PGBD2: variants seen among roughly 807,000 people sequenced by gnomAD.
The protein encoded by PGBD2 is piggyBac transposable element derived 2.
In PGBD2, 6 loss-of-function variants were observed where a neutral mutation model predicts 8.1. The ratio of observed to expected loss-of-function variants is 0.74; its 90% CI spans 0.40 to 1.46. PGBD2 has a LOEUF of 1.46. Among genes scored for constraint, PGBD2 ranks in the 40% most tolerant of loss-of-function variants. The pLI, the probability that PGBD2 is intolerant of heterozygous loss-of-function variation, is 0.02. For synonymous variants in PGBD2, 318 were observed against 272.2 expected, an observed-to-expected ratio of 1.17 and a Z score of -1.66; for missense variants, 802 against 739.0, an observed-to-expected ratio of 1.09 and a Z score of -0.99.
At chr1:248,878,416 A>T in the PGBD2 span, among the ~76,000 whole-genome samples, 2 of 152,066 alleles carry the variant, frequency 1.3e-5, no homozygotes, top group Non-Finnish European at 2.9e-5. Flanking sequence ...TGACCTCGTG[A>T]TCCGCCCGCC....
chr1:248,873,749 C>T, the PGBD2 span, among the ~76,000 whole-genome samples: 1 of 152,192 alleles, frequency 6.6e-6, no homozygotes, highest in African/African-American at 2.4e-5. Flanking sequence ...TGAAACGTCG[C>T]GACCAGTCAG....
At position 248,917,869 on chromosome 1, in the gene PGBD2, G is replaced by T. The variant is rs757614333; in HGVS notation, c.1285G>T (p.Glu429Ter). Residue 429 changes from glutamate (E) to a stop codon, truncating the protein, a stop_gained, in exon 3 of 3, where the codon GAG becomes TAG. Coordinates refer to ENST00000329291, the MANE Select transcript of PGBD2 (RefSeq NM_170725.3). LOFTEE classifies it low-confidence loss of function (END_TRUNC). The stretch of plus-strand genomic sequence containing the variant: ...CATTTGCTCCAATGCTGTGGGCATA[G>T]AGCCAGTGAGGCTGACCAGTCGTCA... ...VNICSNAVGIEPVRLTSRHSG... is the reference protein window; with the variant it reads ...VNICSNAVGI The T allele has an allele frequency of 5.0e-6, 8 of 1,614,244 alleles. No individual in the cohort carries two copies. The highest frequency in any genetic ancestry group is 5.9e-6 in the Non-Finnish European group (7 of 1,180,044).
At chr1:248,896,731 C>T in the PGBD2 span, among the ~76,000 whole-genome samples, 13 of 152,322 alleles carry the variant, frequency 8.5e-5, no homozygotes, top group African/African-American at 2.9e-4. Context: ...GCATTCTATA[C>T]CTTCAACTGA....
chr1:248,917,339 T>G lies in PGBD2; in HGVS notation c.755T>G (p.Met252Arg). Residue 252 changes from methionine (M) to arginine (R), a missense_variant, in exon 3 of 3, where the codon ATG becomes AGG. Physicochemically the swap from Met to Arg is moderately conservative, Grantham distance 91. Coordinates refer to ENST00000329291, the MANE Select transcript of PGBD2 (RefSeq NM_170725.3). ...FAKVRPLIIR[M>R]NCNFQKHAPL... ...AAGGTCAGACCTCTCATCATCCGGA[T>G]GAACTGCAATTTCCAGAAGCATGCA... 1.9e-6 allele frequency: 3 copies of G among 1,614,220 alleles called. No individual in the cohort carries two copies. The highest frequency in any genetic ancestry group is 2.5e-6 in the Non-Finnish European group (3 of 1,180,038).
chr1:248,917,280 TAAC>T lies in PGBD2; in HGVS notation c.700_702del (p.Asn234del), dbSNP rs771586175. 15 of 1,614,212 alleles carry T rather than the reference TAAC, an allele frequency of 9.3e-6. No homozygotes were observed. The highest frequency in any genetic ancestry group is 5.5e-5 in the South Asian group (5 of 91,088). On this transcript the variant is annotated inframe_deletion, in exon 3 of 3. Coordinates refer to ENST00000329291, the MANE Select transcript of PGBD2 (RefSeq NM_170725.3). ...TCTTCTCATACTTACATTTTGCAGATAACAACGAACTTGATGCAAGTGATAGGT... is the reference window on the plus strand; with the variant it reads ...TCTTCTCATACTTACATTTTGCAGATAACGAACTTGATGCAAGTGATAGGT...
At chr1:248,896,644 A>G in the PGBD2 span, among the ~76,000 whole-genome samples, 1 of 152,186 alleles carries the variant, frequency 6.6e-6, no homozygotes, top group Non-Finnish European at 1.5e-5. Context: ...AAAAACTTTT[A>G]GAGGGAAGGG....
the PGBD2 span, among the ~76,000 whole-genome samples, chr1:248,888,747 GC>G: frequency 2.6e-5 from 4 of 151,990 alleles, no homozygotes; most frequent in Admixed American, 2.6e-4. Context: ...GTTTAATTAG[GC>G]CCAACTTGTC....
the PGBD2 span, among the ~76,000 whole-genome samples, chr1:248,876,890 C>T: frequency 6.6e-6 from 1 of 151,956 alleles, no homozygotes; most frequent in African/African-American, 2.4e-5. Context: ...TTTTTTGGTT[C>T]TCTTTATGTA....
the PGBD2 span, among the ~76,000 whole-genome samples, chr1:248,926,565 A>C: frequency 6.6e-6 from 1 of 152,186 alleles, no homozygotes; most frequent in Non-Finnish European, 1.5e-5. Flanking sequence ...CTAGTATTTC[A>C]TGAAGATCTA....
At chr1:248,928,041 C>T in the PGBD2 span, among the ~76,000 whole-genome samples, 8 of 152,106 alleles carry the variant, frequency 5.3e-5, no homozygotes, top group Non-Finnish European at 1.2e-4. Flanking sequence ...GTTTCGACTT[C>T]TTCCTCTGTT....
At chr1:248,905,256 G>T (rs368680788), upstream of PGBD2, among the ~76,000 whole-genome samples, 2 of 152,234 alleles carry the variant, frequency 1.3e-5, no homozygotes, top group South Asian at 2.1e-4. Context: ...TGAAGTGTCA[G>T]TGTGGAGAAG....
At chr1:248,903,604 T>C (rs1472442264), upstream of PGBD2, among the ~76,000 whole-genome samples, 1 of 152,170 alleles carries the variant, frequency 6.6e-6, no homozygotes, top group Non-Finnish European at 1.5e-5. Context: ...CAAGCAAGCT[T>C]CAAGAAACCA....
At chr1:248,896,362 CAT>C in the PGBD2 span, among the ~76,000 whole-genome samples, 17 of 151,098 alleles carry the variant, frequency 1.1e-4, 1 homozygote, top group African/African-American at 2.9e-4. Flanking sequence ...TTCATATATA[CAT>C]ATATATATAT....
the PGBD2 span, among the ~76,000 whole-genome samples, chr1:248,926,234 C>T: frequency 6.6e-6 from 1 of 152,104 alleles, no homozygotes; most frequent in Non-Finnish European, 1.5e-5. Flanking sequence ...CACAGACCAC[C>T]AACTTCAGAA....
At chr1:248,902,301 T>C (rs1006879890), upstream of PGBD2, among the ~76,000 whole-genome samples, 1 of 151,244 alleles carries the variant, frequency 6.6e-6, no homozygotes, top group African/African-American at 2.4e-5. Context: ...TGAGATACCA[T>C]CTCATGCCAG....
chr1:248,920,606 G>T (rs758856823), downstream of PGBD2, among the ~76,000 whole-genome samples: 13 of 152,144 alleles, frequency 8.5e-5, no homozygotes, highest in Non-Finnish European at 1.8e-4. Flanking sequence ...ATAAACATAT[G>T]TGTGCATGTG....
the PGBD2 span, among the ~76,000 whole-genome samples, chr1:248,898,299 G>A: frequency 1.3e-5 from 2 of 152,140 alleles, no homozygotes; most frequent in Non-Finnish European, 2.9e-5. Flanking sequence ...CCCAACAGGG[G>A]TCTCCAGACA....
chr1:248,878,334 A>G, the PGBD2 span, among the ~76,000 whole-genome samples: 1 of 152,068 alleles, frequency 6.6e-6, no homozygotes, highest in Non-Finnish European at 1.5e-5. Flanking sequence ...GCCCGCCACC[A>G]CGCCCAGCTA....
At chr1:248,905,739 C>G (rs1007024335), upstream of PGBD2, among the ~76,000 whole-genome samples, 3 of 152,154 alleles carry the variant, frequency 2.0e-5, no homozygotes, top group Non-Finnish European at 4.4e-5. Flanking sequence ...AAGAATTATC[C>G]AGGCCCAAAA....
Sources: allele counts gnomAD v4.1 joint callset (sites outside exome capture counted in the v4.1 genomes callset), GRCh38; gene constraint gnomAD v4.1.1; transcripts MANE v1.5; gene names NCBI Gene and HGNC (gene_info 2026-07-23, HGNC 2026-07-21).